WDPCP: variants seen among roughly 807,000 people sequenced by gnomAD.
The protein encoded by WDPCP is WD repeat containing planar cell polarity effector, also known as WD repeat-containing and planar cell polarity effector protein fritz homolog.
In WDPCP, 71 loss-of-function variants were observed where a neutral mutation model predicts 93.1. The ratio of observed to expected loss-of-function variants is 0.76; its 90% CI spans 0.63 to 0.93. The LOEUF (loss-of-function observed/expected upper bound fraction) is 0.93. Among genes scored for constraint, WDPCP ranks in the 40% least tolerant of loss-of-function variants. The pLI, the probability that WDPCP is intolerant of heterozygous loss-of-function variation, is 0.00. For missense variants in WDPCP, 844 were observed against 887.4 expected, an observed-to-expected ratio of 0.95 and a Z score of 0.62; for synonymous variants, 315 against 315.0, an observed-to-expected ratio of 1.00 and a Z score of 0.00.
At chr2:63,217,758 A>G (rs1422456197) in intron 14 of WDPCP, among the ~76,000 whole-genome samples, 1 of 152,196 alleles carries the variant, frequency 6.6e-6, no homozygotes. Context: ...TTGAACTATT[A>G]GCTTTCTCTT....
chr2:63,483,515 T>C (rs1292405055), intron 6 of WDPCP, among the ~76,000 whole-genome samples: 1 of 151,770 alleles, frequency 6.6e-6, no homozygotes. Context: ...TGAGTAAAGG[T>C]AGACTAGACA....
At chr2:63,338,632 G>T in intron 12 of WDPCP, among the ~76,000 whole-genome samples, 1 of 123,012 alleles carries the variant, frequency 8.1e-6, no homozygotes. Context: ...AATTAGAAAA[G>T]ACTGTCCTTT....
intron 13 of WDPCP, among the ~76,000 whole-genome samples, chr2:63,271,112 A>G (rs2951186): frequency 0.81 from 123,618 of 152,200 alleles, 50,958 homozygotes; most frequent in East Asian, 0.96. Context: ...CACCTGGGAA[A>G]TGGGCAGTGA....
chr2:63,757,028 C>A (rs1440970148), intron 2 of WDPCP, among the ~76,000 whole-genome samples: 2 of 152,070 alleles, frequency 1.3e-5, no homozygotes, highest in Admixed American at 1.3e-4. Flanking sequence ...GGGGGTACTA[C>A]AATGTGGAGT....
chr2:63,610,655 C>T (rs1187088709), intron 3 of WDPCP, among the ~76,000 whole-genome samples: 1 of 151,978 alleles, frequency 6.6e-6, no homozygotes, highest in Non-Finnish European at 1.5e-5. Context: ...TGTCCCATGG[C>T]CTATAGCTCA....
chr2:63,404,298 G>A lies in WDPCP; in HGVS notation c.1185C>T (p.Gly395=). ...CHPSGAILLV[G]SNQGELQIFD... ...AAATTTGCAACTCCCCTTGGTTGCT[G>A]CCAACTAGCAGAATGGCACCACTTG... Residue 395 remains glycine, a synonymous_variant, in exon 10 of 18, where the codon GGC becomes GGT. Coordinates refer to ENST00000272321, the MANE Select transcript of WDPCP (RefSeq NM_015910.7). 1 of 1,614,132 alleles carries A rather than the reference G, an allele frequency of 6.2e-7. No homozygotes were observed.
intron 2 of WDPCP, among the ~76,000 whole-genome samples, chr2:63,753,863 T>C (rs1669917714): frequency 6.6e-6 from 1 of 152,206 alleles, no homozygotes; most frequent in Admixed American, 6.5e-5. Flanking sequence ...TTACCTCTCG[T>C]GTTCAGTTTT....
chr2:63,216,702 A>C (rs1677377309), intron 14 of WDPCP, among the ~76,000 whole-genome samples: 1 of 151,892 alleles, frequency 6.6e-6, no homozygotes, highest in African/African-American at 2.4e-5. Context: ...GAACTTACTT[A>C]AAGTTTAATA....
intron 2 of WDPCP, among the ~76,000 whole-genome samples, chr2:63,651,470 C>CACAT (rs374360770): frequency 6.6e-6 from 1 of 151,744 alleles, no homozygotes; most frequent in African/African-American, 2.4e-5. Context: ...CACACACACA[C>CACAT]ACAGAGAGAC....
intron 7 of WDPCP, 37 bp from the exon 8 acceptor site, chr2:63,437,591 AAAT>A: frequency 6.5e-7 from 1 of 1,528,978 alleles, no homozygotes; most frequent in Non-Finnish European, 8.9e-7. Flanking sequence ...AGTTAGAATA[AAAT>A]AATGAATAGA....
chr2:63,733,119 G>A (rs982038504), intron 2 of WDPCP, among the ~76,000 whole-genome samples: 36 of 149,358 alleles, frequency 2.4e-4, no homozygotes, highest in Middle Eastern at 7.2e-3. Flanking sequence ...AAACATTTGA[G>A]AACCATATGA....
chr2:63,409,107 C>T (rs779575991), intron 9 of WDPCP, among the ~76,000 whole-genome samples: 2 of 152,200 alleles, frequency 1.3e-5, no homozygotes, highest in African/African-American at 2.4e-5. Flanking sequence ...TAAAATAAAG[C>T]ATTAAACCAC....
intron 17 of WDPCP, among the ~76,000 whole-genome samples, chr2:63,123,967 T>C (rs988382891): frequency 3.0e-4 from 46 of 151,726 alleles, no homozygotes; most frequent in Admixed American, 1.4e-3. Context: ...TAGTCTGTTT[T>C]TAATGGCTGA....
At chr2:63,722,185 C>T (rs1669427096) in intron 2 of WDPCP, among the ~76,000 whole-genome samples, 1 of 151,768 alleles carries the variant, frequency 6.6e-6, no homozygotes, top group Admixed American at 6.6e-5. Flanking sequence ...TCTGCCTGGC[C>T]GCCCATCATC....
chr2:63,280,325 G>A (rs1575048644), intron 13 of WDPCP, among the ~76,000 whole-genome samples: 1 of 152,216 alleles, frequency 6.6e-6, no homozygotes, highest in East Asian at 1.9e-4. Context: ...AAGCAAAAAC[G>A]GAAACCACTG....
chr2:63,162,151 A>G (rs1672689210), intron 15 of WDPCP, among the ~76,000 whole-genome samples: 2 of 152,152 alleles, frequency 1.3e-5, no homozygotes, highest in African/African-American at 4.8e-5. Flanking sequence ...TTTCTGACCA[A>G]ATTGTCTTAC....
intron 2 of WDPCP, among the ~76,000 whole-genome samples, chr2:63,662,119 A>G (rs1365319854): frequency 6.6e-6 from 1 of 152,190 alleles, no homozygotes; most frequent in Non-Finnish European, 1.5e-5. Context: ...AAAGAGGTCA[A>G]ATGACTTGCC....
At chr2:63,637,300 C>T (rs1022212429) in intron 3 of WDPCP, among the ~76,000 whole-genome samples, 2 of 150,506 alleles carry the variant, frequency 1.3e-5, no homozygotes, top group Non-Finnish European at 3.0e-5. Flanking sequence ...TGCAGTGAGC[C>T]GAGATCATGC....
At chr2:63,613,963 C>T (rs1393979961) in intron 3 of WDPCP, among the ~76,000 whole-genome samples, 3 of 152,120 alleles carry the variant, frequency 2.0e-5, no homozygotes, top group Admixed American at 2.0e-4. Flanking sequence ...TCACCATGCT[C>T]GGACAGACTT....
Sources: allele counts gnomAD v4.1 joint callset (sites outside exome capture counted in the v4.1 genomes callset), GRCh38; gene constraint gnomAD v4.1.1; transcripts MANE v1.5; gene names NCBI Gene and HGNC (gene_info 2026-07-23, HGNC 2026-07-21).